Variants in IREB2 observed in about 807,000 individuals in gnomAD.
The protein encoded by IREB2 is iron-responsive element-binding protein 2.
IREB2 carries 39 observed loss-of-function variants against 118.8 expected under a neutral mutation model. That is an observed-to-expected ratio of 0.33 (90% CI 0.25 to 0.43). The LOEUF (loss-of-function observed/expected upper bound fraction) is 0.43. Among genes scored for constraint, IREB2 ranks in the 20% least tolerant of loss-of-function variants. The probability of loss-of-function intolerance (pLI) is 1.00; values close to 1 mark genes in which losing one functional copy is unlikely to be tolerated. For missense variants in IREB2, 900 were observed against 1,147.3 expected, an observed-to-expected ratio of 0.78 and a Z score of 3.11; for synonymous variants, 372 against 392.2, an observed-to-expected ratio of 0.95 and a Z score of 0.61.
chr15:78,486,653 A>G lies in IREB2; in HGVS notation c.1709+813A>G, dbSNP rs141176793. Among the ~76,000 whole-genome samples, 75 of 152,322 alleles carry G rather than the reference A, an allele frequency of 4.9e-4. 2 individuals are homozygous for G. In the East Asian group the frequency reaches 0.014, roughly 29 times the overall value. ...CTATGTTTTTTATGTAATCCAAAAC[A>G]ATTGATGCTAGTTGTGTGGGGATTT... On this transcript the variant is annotated intron_variant, in intron 13 of 21. Coordinates refer to ENST00000258886, the MANE Select transcript of IREB2 (RefSeq NM_004136.4).
At chr15:78,477,342 T>C (rs1046640520) in intron 9 of IREB2, among the ~76,000 whole-genome samples, 10 of 152,184 alleles carry the variant, frequency 6.6e-5, no homozygotes, top group African/African-American at 2.4e-4. Flanking sequence ...CTCATCTCTG[T>C]TTCATGTCTT....
chr15:78,453,628 G>A (rs550695555), intron 2 of IREB2, among the ~76,000 whole-genome samples: 6 of 152,318 alleles, frequency 3.9e-5, no homozygotes, highest in Middle Eastern at 3.4e-3. Flanking sequence ...GAGGAAGTCC[G>A]CAGCTCCCTT....
chr15:78,471,551 T>C (rs1212683510), intron 6 of IREB2, among the ~76,000 whole-genome samples, 190 bp from the exon 7 acceptor site: 1 of 152,242 alleles, frequency 6.6e-6, no homozygotes, highest in Non-Finnish European at 1.5e-5. Context: ...TGACCTAAAT[T>C]AATTTTGTCT....
chr15:78,452,817 C>T (rs936198416), intron 2 of IREB2, among the ~76,000 whole-genome samples: 4 of 152,146 alleles, frequency 2.6e-5, no homozygotes, highest in African/African-American at 7.2e-5. Flanking sequence ...ATTAGCCTGA[C>T]GTAGTTTCAT....
intron 1 of IREB2, chr15:78,438,599 T>G (rs905021089): frequency 1.9e-6 from 1 of 534,470 alleles, no homozygotes; most frequent in Non-Finnish European, 3.4e-6. Flanking sequence ...CCGCTGGCCT[T>G]GACCCGCACC....
rs1009187859 is a variant in IREB2 at position 78,498,507 on chromosome 15, G to C, written c.*364G>C. On this transcript the variant is annotated 3_prime_UTR_variant, in exon 22 of 22. Coordinates refer to ENST00000258886, the MANE Select transcript of IREB2 (RefSeq NM_004136.4). The stretch of plus-strand genomic sequence containing the variant: ...TGTTTAGTTTTGCACCAATAAAACT[G>C]TGTACTACTGTTTGTTGGTTTAAGA... The C allele has an allele frequency of 2.5e-5, 4 of 158,796 alleles. No homozygotes were observed. Among genetic ancestry groups the C allele is most frequent in the African/African-American group, 9.6e-5 (4 of 41,568 alleles). The allele number at this position is 158,796 out of a possible 1,614,324, so 9.8% of individuals were successfully genotyped here.
chr15:78,485,942 T>C, intron 13 of IREB2, 102 bp downstream of exon 13: 3 of 1,014,258 alleles, frequency 3.0e-6, no homozygotes, highest in Admixed American at 4.8e-5. Flanking sequence ...AGAAAAAATA[T>C]GCTTTAGTTT....
Position 78,476,069 on chromosome 15 carries a change from G to A in IREB2, c.1024-119G>A, listed in dbSNP as rs2051464267. On this transcript the variant is annotated intron_variant, in intron 8 of 21. Coordinates refer to ENST00000258886, the MANE Select transcript of IREB2 (RefSeq NM_004136.4). ...GAGTTGATTCATAAGGACAATGAAGGATCTCATTCCTTCACCATCACTAGT... is the reference window on the plus strand; with the variant it reads ...GAGTTGATTCATAAGGACAATGAAGAATCTCATTCCTTCACCATCACTAGT... The A allele has an allele frequency of 8.1e-6, 5 of 616,344 alleles. No individual in the cohort carries two copies. The East Asian group carries it at 1.4e-4, about 17-fold the overall frequency. The allele number at this position is 616,344 out of a possible 1,614,324, so 38.2% of individuals were successfully genotyped here.
At chr15:78,483,455 C>G (rs1264887821) in intron 11 of IREB2, 21 bp downstream of exon 11, 1 of 1,338,664 alleles carries the variant, frequency 7.5e-7, no homozygotes, top group Non-Finnish European at 1.1e-6. Flanking sequence ...TTATTCTTAT[C>G]CGTGTTTTTC....
chr15:78,492,247 A>AC (rs974921412), intron 18 of IREB2, among the ~76,000 whole-genome samples: 7 of 151,992 alleles, frequency 4.6e-5, no homozygotes, highest in African/African-American at 1.7e-4. Context: ...CAGTAGCAAT[A>AC]CCCCCCGCAC....
At chr15:78,438,470 G>C in intron 1 of IREB2, 114 bp downstream of exon 1, 1 of 1,250,898 alleles carries the variant, frequency 8.0e-7, no homozygotes, top group Non-Finnish European at 1.1e-6. Flanking sequence ...GGCCCTCGGG[G>C]CTCGGGTTGT....
intron 1 of IREB2, chr15:78,438,626 C>G (rs1293938282): frequency 4.1e-6 from 2 of 485,506 alleles, no homozygotes; most frequent in East Asian, 3.4e-5. Context: ...TCTCCGGTGG[C>G]CGCTGCCTGC....
intron 2 of IREB2, among the ~76,000 whole-genome samples, chr15:78,440,503 G>A (rs2141440562): frequency 6.6e-6 from 1 of 151,986 alleles, no homozygotes; most frequent in African/African-American, 2.4e-5. Flanking sequence ...AGGCCTACAG[G>A]TGTATGCCAA....
intron 2 of IREB2, among the ~76,000 whole-genome samples, chr15:78,440,988 T>C (rs1256642251): frequency 2.0e-5 from 3 of 152,208 alleles, no homozygotes. Context: ...TGTGAACTTT[T>C]CCATGACAAT....
Position 78,500,610 on chromosome 15 carries a change from A to G in IREB2, c.*2467A>G, listed in dbSNP as rs1343458930. ...AAGCAAATCAGTGTTGTAAGCTTAA[A>G]GTACAATTTCAAAGGTCACTACCAA... On this transcript the variant is annotated 3_prime_UTR_variant, in exon 22 of 22. Coordinates refer to ENST00000258886, the MANE Select transcript of IREB2 (RefSeq NM_004136.4). 1 of 152,050 alleles carries G rather than the reference A, an allele frequency of 6.6e-6. No individual in the cohort carries two copies. Among genetic ancestry groups the G allele is most frequent in the South Asian group, 2.1e-4 (1 of 4,834 alleles). The allele number at this position is 152,050 out of a possible 1,614,324, so 9.4% of individuals were successfully genotyped here. A position where few individuals can be genotyped will look rare whatever the true frequency, so the allele number is the denominator to read the frequency against.
At position 78,498,868 on chromosome 15, in the gene IREB2, G is replaced by T. The variant is rs569895270; in HGVS notation, c.*725G>T. On this transcript the variant is annotated 3_prime_UTR_variant, in exon 22 of 22. Transcript: ENST00000258886. ...GCAGCCTTTCATATTTCAGCAGTTT[G>T]CCACTGTGACTGTCTGGCAAGCCCC... 1 of 152,312 alleles carries T rather than the reference G, an allele frequency of 6.6e-6. No homozygotes were observed. Among genetic ancestry groups the T allele is most frequent in the Non-Finnish European group, 1.5e-5 (1 of 68,032 alleles). 9.4% of individuals were successfully genotyped at this position (152,312 alleles called of 1,614,324 possible). A position where few individuals can be genotyped will look rare whatever the true frequency, so the allele number is the denominator to read the frequency against.
At chr15:78,461,766 T>C (rs964204803) in intron 2 of IREB2, among the ~76,000 whole-genome samples, 1 of 152,212 alleles carries the variant, frequency 6.6e-6, no homozygotes, top group African/African-American at 2.4e-5. Context: ...CATTAGCTAC[T>C]CTGATTTTAT....
rs753196237 is a variant in IREB2 at position 78,478,455 on chromosome 15, C to T, written c.1296+58C>T. On this transcript the variant is annotated intron_variant, in intron 10 of 21. Coordinates refer to ENST00000258886, the MANE Select transcript of IREB2 (RefSeq NM_004136.4). ...AGTGTAAATTGTGGTGTAATCCCAGCGCTTTGAAAGGTTGGGGTGGGTTGA... is the reference window on the plus strand; with the variant it reads ...AGTGTAAATTGTGGTGTAATCCCAGTGCTTTGAAAGGTTGGGGTGGGTTGA... 29 of 1,086,432 alleles carry T rather than the reference C, an allele frequency of 2.7e-5. No individual in the cohort carries two copies. In the Middle Eastern group the frequency reaches 8.0e-4, roughly 30 times the overall value. 67.3% of individuals were successfully genotyped at this position (1,086,432 alleles called of 1,614,324 possible).
intron 13 of IREB2, 71 bp from the exon 14 acceptor site, chr15:78,487,662 C>T (rs2051682213): frequency 1.2e-6 from 1 of 826,186 alleles, no homozygotes; most frequent in Non-Finnish European, 2.1e-6. Flanking sequence ...GATAGAAATA[C>T]AAGATAAGAC....
Sources: gnomAD v4.1 joint callset for allele counts (sites outside exome capture counted in the v4.1 genomes callset) on GRCh38, gnomAD v4.1.1 for gene constraint, MANE v1.5 for transcripts, NCBI Gene and HGNC (gene_info 2026-07-23, HGNC 2026-07-21) for gene names.